CFAP46: variants seen among roughly 807,000 people sequenced by gnomAD.
The protein encoded by CFAP46 is cilia- and flagella-associated protein 46.
In CFAP46, 245 loss-of-function variants were observed where a neutral mutation model predicts 325.7. The observed-to-expected ratio is 0.75, with a 90% CI of 0.68 to 0.84. The LOEUF (loss-of-function observed/expected upper bound fraction) is 0.84. CFAP46 is among the 40% of genes least tolerant of loss of function. The pLI is 0.00. For missense variants in CFAP46, 3,346 were observed against 3,543.0 expected, an observed-to-expected ratio of 0.94 and a Z score of 1.41; for synonymous variants, 1,523 against 1,495.9, an observed-to-expected ratio of 1.02 and a Z score of -0.42.
chr10:132,822,885 C>T (rs28972894), intron 50 of CFAP46, among the ~76,000 whole-genome samples: 479 of 98,792 alleles, frequency 4.8e-3, no homozygotes, highest in African/African-American at 0.018. Context: ...GCTGTGTGTG[C>T]GCTGATGTGT....
chr10:132,895,832 G>A (rs551326661), intron 24 of CFAP46, among the ~76,000 whole-genome samples: 1 of 152,314 alleles, frequency 6.6e-6, no homozygotes, highest in South Asian at 2.1e-4. Context: ...ACGAGAGTGG[G>A]GTCCTCACAA....
At chr10:132,925,770 C>T (rs1233178539) in intron 10 of CFAP46, among the ~76,000 whole-genome samples, 3 of 152,200 alleles carry the variant, frequency 2.0e-5, no homozygotes, top group East Asian at 1.9e-4. Flanking sequence ...CCAGGCAGTG[C>T]GGGCTGAGGA....
At position 132,909,811 on chromosome 10, in the gene CFAP46, C is replaced by T. The variant is rs1448921582; in HGVS notation, c.2649+108G>A. 7.6e-6 allele frequency: 8 copies of T among 1,055,466 alleles called. No individual in the cohort carries two copies. The East Asian group carries it at 2.1e-4, about 28-fold the overall frequency. The allele number at this position is 1,055,466 out of a possible 1,614,324, so 65.4% of individuals were successfully genotyped here. A position where few individuals can be genotyped will look rare whatever the true frequency, so the allele number is the denominator to read the frequency against. ...GGAGTGCCCAGGCCATCCGTGATGGCTCCATCTGGAGCTAAGTGGTCCCGG... is the reference window on the plus strand; with the variant it reads ...GGAGTGCCCAGGCCATCCGTGATGGTTCCATCTGGAGCTAAGTGGTCCCGG... On this transcript the variant is annotated intron_variant, in intron 20 of 57. Transcript: ENST00000368586.
intron 22 of CFAP46, among the ~76,000 whole-genome samples, chr10:132,905,552 T>C (rs1849445440): frequency 6.6e-6 from 1 of 152,316 alleles, no homozygotes; most frequent in Non-Finnish European, 1.5e-5. Context: ...TGGGTCCTTT[T>C]GTCTAAAATG....
At chr10:132,850,463 AC>A in intron 40 of CFAP46, 31 bp from the exon 41 acceptor site, 1 of 1,513,822 alleles carries the variant, frequency 6.6e-7, no homozygotes, top group Admixed American at 2.0e-5. Context: ...TACAGCTGCC[AC>A]CCCAAGGGCA....
intron 50 of CFAP46, among the ~76,000 whole-genome samples, chr10:132,824,479 C>A (rs1228170690): frequency 2.2e-5 from 2 of 89,652 alleles, no homozygotes; most frequent in African/African-American, 4.7e-5. Context: ...GCTGTGTGTG[C>A]TGTGTGCGCT....
chr10:132,831,485 C>T (rs888101246), intron 50 of CFAP46, among the ~76,000 whole-genome samples: 13 of 152,140 alleles, frequency 8.5e-5, no homozygotes, highest in African/African-American at 1.9e-4. Flanking sequence ...CTCCTCTTTA[C>T]GGAATGGCCC....
chr10:132,927,355 G>C (rs965524769), intron 9 of CFAP46, among the ~76,000 whole-genome samples: 3 of 151,876 alleles, frequency 2.0e-5, no homozygotes, highest in Non-Finnish European at 4.4e-5. Flanking sequence ...GCAGGTCCTC[G>C]GCGGCAGACG....
intron 11 of CFAP46, among the ~76,000 whole-genome samples, chr10:132,923,019 G>A (rs1849750788): frequency 6.6e-6 from 1 of 152,270 alleles, no homozygotes; most frequent in South Asian, 2.1e-4. Context: ...TTCCTGAAGT[G>A]TGGGGTGTGG....
Position 132,938,737 on chromosome 10 carries a change from A to G in CFAP46, c.388T>C (p.Tyr130His). ...TGCCAGTAGAGGACTGATGCATTGT[A>G]CACCAAAAAGTAGTACCTGCGGCGC... ...KGEPRYYFLVYNASVLYWQMV... is the reference protein window; with the variant it reads ...KGEPRYYFLVHNASVLYWQMV... Residue 130 changes from tyrosine (Y) to histidine (H), a missense_variant, in exon 5 of 58, where the codon TAC becomes CAC. Physicochemically the swap from Tyr to His is moderately conservative, Grantham distance 83. Transcript: ENST00000368586. 4 of 1,613,132 alleles carry G rather than the reference A, an allele frequency of 2.5e-6. No homozygotes were observed. Among genetic ancestry groups the G allele is most frequent in the Non-Finnish European group, 3.4e-6 (4 of 1,179,846 alleles).
At position 132,922,527 on chromosome 10, in the gene CFAP46, G is replaced by C. The variant is rs993117774; in HGVS notation, c.1438C>G (p.Gln480Glu). The C allele has an allele frequency of 3.2e-6, 5 of 1,547,150 alleles. No individual in the cohort carries two copies. The Admixed American group carries it at 9.8e-5, about 30-fold the overall frequency. Residue 480 changes from glutamine (Q) to glutamate (E), a missense_variant, in exon 12 of 58, where the codon CAG becomes GAG. By Grantham distance (29) the Gln-to-Glu change is conservative. Transcript: ENST00000368586. The part of the protein sequence containing the change: ...TRLRLCTTLY[Q>E]APERAEDKAI... Reference sequence around the variant, plus strand: ...TTGTCCTCTGCGCGCTCAGGGGCCTGGTATAGCGTGGTGCACAGACGCAGC... The same window carrying C: ...TTGTCCTCTGCGCGCTCAGGGGCCTCGTATAGCGTGGTGCACAGACGCAGC...
chr10:132,865,879 C>A lies in CFAP46; in HGVS notation c.4890+146G>T, dbSNP rs912829506. The A allele has an allele frequency of 3.1e-4, 229 of 742,460 alleles. 1 individual carries two copies. Among genetic ancestry groups the A allele is most frequent in the Non-Finnish European group, 2.0e-4 (105 of 531,202 alleles). 46.0% of individuals were successfully genotyped at this position (742,460 alleles called of 1,614,324 possible). ...CAGAGGACGCACAGGACTGACTTCC[C>A]GCAGAGAGCTGGACCCAGACAAGAG... On this transcript the variant is annotated intron_variant, in intron 35 of 57. Transcript: ENST00000368586.
At position 132,843,820 on chromosome 10, in the gene CFAP46, G is replaced by A. The variant is rs12265248; in HGVS notation, c.6438+2237C>T. Among the ~76,000 whole-genome samples, 235 of 95,716 alleles carry A rather than the reference G, an allele frequency of 2.5e-3. 7 individuals carry two copies. Among genetic ancestry groups the A allele is most frequent in the Non-Finnish European group, 3.0e-3 (131 of 43,510 alleles). The allele number at this position is 95,716 out of a possible 152,430, so 62.8% of individuals were successfully genotyped here. On this transcript the variant is annotated intron_variant, in intron 44 of 57. Transcript: ENST00000368586. Reference sequence around the variant, plus strand: ...TCTGGTCTCGGTGGGTGTTCCCAGGGTGCTGTGGGGCTGTGGTCTCGGTGG... The same window carrying A: ...TCTGGTCTCGGTGGGTGTTCCCAGGATGCTGTGGGGCTGTGGTCTCGGTGG...
At chr10:132,867,255 C>A in intron 34 of CFAP46, 120 bp downstream of exon 34, 1 of 1,245,720 alleles carries the variant, frequency 8.0e-7, no homozygotes, top group East Asian at 2.5e-5. Context: ...CCCAGGCCGG[C>A]CCCTCACACA....
rs759481782 is a variant in CFAP46, at chr10:132,847,102, C to G, written c.6097G>C (p.Val2033Leu). ...TGAGCCAGGTACTGCTGGGCCAGAA[C>G]CATCCTCCTCTGTGGGGCACAAGGC... ...RRGEDLKRRM[V>L]LAQQYLAQAS... is the part of the protein sequence containing the mutation. The change falls in exon 43 of 58, where the codon GTT becomes CTT. Residue 2033 changes from valine to leucine, a missense_variant. Physicochemically the swap from Val to Leu is conservative, Grantham distance 32 (BLOSUM62 1). Coordinates refer to ENST00000368586, the MANE Select transcript of CFAP46 (RefSeq NM_001200049.3). The surrounding 1 kb of genome is among the most constrained non-coding windows in gnomAD (Gnocchi z 5.2). 6.2e-7 allele frequency: 1 copy of G among 1,610,488 alleles called. No individual in the cohort carries two copies. Among genetic ancestry groups the G allele is most frequent in the Non-Finnish European group, 8.5e-7 (1 of 1,178,890 alleles).
chr10:132,915,072 A>G (rs2135565360), intron 17 of CFAP46, among the ~76,000 whole-genome samples: 1 of 152,354 alleles, frequency 6.6e-6, no homozygotes, highest in East Asian at 1.9e-4. Flanking sequence ...TTTTTCTATA[A>G]GGGGCCAAAT....
At chr10:132,837,029 C>A in intron 44 of CFAP46, 115 bp from the exon 45 acceptor site, 1 of 788,312 alleles carries the variant, frequency 1.3e-6, no homozygotes, top group South Asian at 1.6e-5. Flanking sequence ...GGCTTTGTAC[C>A]CTTCCTGCCC....
intron 50 of CFAP46, among the ~76,000 whole-genome samples, chr10:132,821,302 CTGTGTGT>C (rs1847815055): frequency 9.9e-6 from 1 of 100,546 alleles, no homozygotes; most frequent in African/African-American, 4.3e-5. Flanking sequence ...GCTGTGTGTG[CTGTGTGT>C]TGTGTGTGCT....
In CFAP46 at chr10:132,919,305, G is replaced by A. The variant is rs912520841; in HGVS notation, c.1858+10C>T. On this transcript the variant is annotated intron_variant, in intron 15 of 57. Transcript: ENST00000368586. This position sits in a 1 kb window ranked among gnomAD's most constrained non-coding sequence, Gnocchi z 9.7. ...CAGGCTGGGACACACTCGTGAGGGC[G>A]GGTACGAACCTCGCCGCAGCCTCAA... is the stretch of plus-strand genomic sequence containing the variant. 45 of 1,548,016 alleles carry A rather than the reference G, an allele frequency of 2.9e-5. No individual in the cohort carries two copies. The Admixed American group carries it at 3.9e-4, about 14-fold the overall frequency.
Sources: gnomAD v4.1 joint callset for allele counts (sites outside exome capture counted in the v4.1 genomes callset) on GRCh38, gnomAD v4.1.1 for gene constraint, Gnocchi (gnomAD v3.1) non-coding constraint, MANE v1.5 for transcripts, NCBI Gene and HGNC (gene_info 2026-07-23, HGNC 2026-07-21) for gene names.